The following ANKFN1 variants were observed in gnomAD, a reference collection of about 807,000 sequenced individuals.
ANKFN1 encodes ankyrin repeat and fibronectin type III domain containing 1.
In ANKFN1, 74 loss-of-function variants were observed where a neutral mutation model predicts 108.7. That is an observed-to-expected ratio of 0.68 (90% confidence interval 0.56 to 0.83). The LOEUF (loss-of-function observed/expected upper bound fraction) is 0.83, where lower values mean the gene tolerates loss of function less well. Ranked by LOEUF, ANKFN1 falls within the 40% of genes least tolerant of loss-of-function variation. The probability of loss-of-function intolerance (pLI) is 0.00; values close to 1 mark genes in which losing one functional copy is unlikely to be tolerated. For missense variants in ANKFN1, 1,505 were observed against 1,382.3 expected (o/e 1.09, Z -1.41); for synonymous variants, 547 against 516.2 (o/e 1.06, Z -0.81).
At chr17:56,315,211 G>A (rs73311734) in intron 3 of ANKFN1, among the ~76,000 whole-genome samples, 2,173 of 152,256 alleles carry the variant, frequency 0.014, 57 homozygotes, top group African/African-American at 0.05. Flanking sequence ...TATAGCTGGA[G>A]GAGATGGTGA....
intron 6 of ANKFN1, among the ~76,000 whole-genome samples, chr17:56,369,303 G>A (rs146529019): frequency 6.6e-6 from 1 of 152,252 alleles, no homozygotes; most frequent in East Asian, 1.9e-4. Flanking sequence ...TAAAAATAAT[G>A]TCATAGATAA....
intron 1 of ANKFN1, among the ~76,000 whole-genome samples, chr17:56,157,527 C>T (rs1043372280): frequency 1.3e-5 from 2 of 152,212 alleles, no homozygotes; most frequent in African/African-American, 4.8e-5. Context: ...CCTGGTGACT[C>T]CTCCTTCCTC....
At chr17:56,389,080 A>G (rs975652990) in intron 8 of ANKFN1, among the ~76,000 whole-genome samples, 1 of 152,168 alleles carries the variant, frequency 6.6e-6, no homozygotes, top group Non-Finnish European at 1.5e-5. Flanking sequence ...CAGAAAAATG[A>G]AAGTTTACTT....
chr17:56,242,982 C>T (rs576080766), intron 3 of ANKFN1, among the ~76,000 whole-genome samples: 5 of 152,102 alleles, frequency 3.3e-5, no homozygotes, highest in South Asian at 4.1e-4. Context: ...GATTTTCTGA[C>T]GTTAAACTAT....
chr17:56,466,695 T>C (rs1445913986), intron 15 of ANKFN1, 124 bp downstream of exon 15: 2 of 786,306 alleles, frequency 2.5e-6, no homozygotes, highest in African/African-American at 1.8e-5. Context: ...GGTCCAGAGA[T>C]ATGTTGTTGC....
chr17:56,497,899 A>T (rs1276412288), intron 19 of ANKFN1, among the ~76,000 whole-genome samples: 1 of 152,110 alleles, frequency 6.6e-6, no homozygotes, highest in African/African-American at 2.4e-5. Context: ...ATAAGAAAAA[A>T]TATGTTTAAC....
At chr17:56,505,411 C>T (rs552880905) in intron 20 of ANKFN1, among the ~76,000 whole-genome samples, 37 of 152,290 alleles carry the variant, frequency 2.4e-4, no homozygotes, top group African/African-American at 8.7e-4. Flanking sequence ...ATGATTAAGA[C>T]ACAGTGTAGT....
At chr17:56,169,181 G>A (rs1910424098) in intron 1 of ANKFN1, among the ~76,000 whole-genome samples, 1 of 152,208 alleles carries the variant, frequency 6.6e-6, no homozygotes, top group South Asian at 2.1e-4. Context: ...GAGAGGCGCA[G>A]AGGAAGTGTG....
intron 4 of ANKFN1, among the ~76,000 whole-genome samples, chr17:56,105,588 C>T (rs1905731077): frequency 6.6e-6 from 1 of 151,800 alleles, no homozygotes; most frequent in Non-Finnish European, 1.5e-5. Context: ...TTCTTTTCTT[C>T]CTTCCATTTA....
At chr17:56,101,402 A>T (rs1362963958) in intron 4 of ANKFN1, among the ~76,000 whole-genome samples, 1 of 152,144 alleles carries the variant, frequency 6.6e-6, no homozygotes, top group Non-Finnish European at 1.5e-5. Context: ...TCATTAACCT[A>T]CACTTTAACC....
chr17:56,219,004 G>A (rs977098428), intron 2 of ANKFN1, among the ~76,000 whole-genome samples: 1 of 152,064 alleles, frequency 6.6e-6, no homozygotes, highest in Non-Finnish European at 1.5e-5. Context: ...ACACATCCCT[G>A]TAATTGCAGA....
chr17:56,234,313 G>T (rs1567854306), intron 3 of ANKFN1, among the ~76,000 whole-genome samples: 1 of 150,876 alleles, frequency 6.6e-6, no homozygotes, highest in South Asian at 2.1e-4. Flanking sequence ...ATTAAGAAGT[G>T]ATGAGTTTTT....
chr17:56,337,330 C>A (rs987404002), intron 4 of ANKFN1, among the ~76,000 whole-genome samples: 9 of 152,070 alleles, frequency 5.9e-5, no homozygotes, highest in African/African-American at 4.8e-5. Flanking sequence ...ATTAAAGTCT[C>A]CCATCATTAT....
chr17:56,176,769 A>G (rs999551409), intron 1 of ANKFN1, among the ~76,000 whole-genome samples: 2 of 152,210 alleles, frequency 1.3e-5, no homozygotes, highest in African/African-American at 4.8e-5. Flanking sequence ...AAGGACAAAG[A>G]TGAAGGTAGA....
intron 8 of ANKFN1, among the ~76,000 whole-genome samples, chr17:56,393,731 G>A (rs1332726915): frequency 6.6e-6 from 1 of 152,234 alleles, no homozygotes; most frequent in African/African-American, 2.4e-5. Flanking sequence ...ATATAGTTAA[G>A]ATGTCATTTA....
chr17:56,283,884 T>C (rs1211371666), intron 3 of ANKFN1, among the ~76,000 whole-genome samples: 1 of 151,946 alleles, frequency 6.6e-6, no homozygotes, highest in Non-Finnish European at 1.5e-5. Context: ...CCCAAAAACC[T>C]ATGGAAATAA....
intron 11 of ANKFN1, among the ~76,000 whole-genome samples, chr17:56,450,935 T>G: frequency 6.6e-6 from 1 of 152,238 alleles, no homozygotes; most frequent in East Asian, 1.9e-4. Context: ...ACTTCTGTCA[T>G]GTATATGCTT....
intron 3 of ANKFN1, among the ~76,000 whole-genome samples, chr17:56,297,627 G>A (rs958590138): frequency 2.0e-5 from 3 of 152,136 alleles, no homozygotes; most frequent in African/African-American, 2.4e-5. Context: ...CTCAGCTTAC[G>A]AGGTCCTTGC....
chr17:56,368,275 A>ATTTTTTTTTT (rs1396505310), intron 6 of ANKFN1: 7 of 31,474 alleles, frequency 2.2e-4, no homozygotes, highest in Non-Finnish European at 4.0e-4. Context: ...CTGAAAATGA[A>ATTTTTTTTTT]CTTTTTTTTT....
Sources: gnomAD v4.1 joint callset for allele counts (sites outside exome capture counted in the v4.1 genomes callset) on GRCh38, gnomAD v4.1.1 for gene constraint, MANE v1.5 for transcripts, NCBI Gene and HGNC (gene_info 2026-07-23, HGNC 2026-07-21) for gene names.